The following EML4 variants were observed in gnomAD, a reference collection of about 807,000 sequenced individuals.
The protein encoded by EML4 is EMAP like 4, also known as echinoderm microtubule-associated protein-like 4.
A neutral mutation model predicts 129.0 loss-of-function variants in EML4; 72 were observed. The ratio of observed to expected loss-of-function variants is 0.56; its 90% confidence interval spans 0.46 to 0.68. EML4 has a LOEUF of 0.68. Among genes scored for constraint, EML4 ranks in the 30% least tolerant of loss-of-function variants. The pLI is 0.00. For synonymous variants in EML4, 532 were observed against 405.0 expected, an observed-to-expected ratio of 1.31 and a Z score of -3.77; for missense variants, 1,363 against 1,190.6, an observed-to-expected ratio of 1.14 and a Z score of -2.13.
chr2:42,201,152 G>T (rs1243594335), intron 1 of EML4, among the ~76,000 whole-genome samples: 1 of 152,186 alleles, frequency 6.6e-6, no homozygotes, highest in Non-Finnish European at 1.5e-5. Flanking sequence ...TTGGCTACAT[G>T]CTAGCTGGAA....
Position 42,198,602 on chromosome 2 carries a change from G to C in EML4, c.25+28966G>C, listed in dbSNP as rs74418674. On this transcript the variant is annotated intron_variant, in intron 1 of 22. Transcript: ENST00000318522. ...GTGGTAAGGATGCTAATTTGGGGAG[G>C]AATATTTCTACCTGAAGTCTGCTAT... is the stretch of plus-strand genomic sequence containing the variant. Among the ~76,000 whole-genome samples the C allele has an allele frequency of 8.4e-3, 1,273 of 152,278 alleles. 15 individuals carry two copies. The highest frequency in any genetic ancestry group is 0.029 in the African/African-American group (1,210 of 41,556).
At chr2:42,244,103 T>TTTG (rs1558534242) in intron 1 of EML4, among the ~76,000 whole-genome samples, 3 of 59,076 alleles carry the variant, frequency 5.1e-5, no homozygotes, top group Non-Finnish European at 1.2e-4. Flanking sequence ...TGTTTTTTGT[T>TTTG]TTTTTTTTTT....
intron 1 of EML4, among the ~76,000 whole-genome samples, 167 bp from the exon 2 acceptor site, chr2:42,245,338 T>A (rs1675329007): frequency 6.6e-6 from 1 of 151,848 alleles, no homozygotes. Context: ...TCAGGTGATC[T>A]GCCTCTCTTG....
At chr2:42,263,338 A>G (rs1458705012) in intron 5 of EML4, 32 bp downstream of exon 5, 1 of 1,585,644 alleles carries the variant, frequency 6.3e-7, no homozygotes, top group Non-Finnish European at 8.6e-7. Context: ...TTATATCTGA[A>G]AAGTAATAAT....
At position 42,295,278 on chromosome 2, in the gene EML4, T is replaced by G; in HGVS notation, c.1353+19T>G. 6.2e-7 allele frequency: 1 copy of G among 1,611,974 alleles called. No homozygotes were observed. The highest frequency in any genetic ancestry group is 1.7e-5 in the Admixed American group (1 of 59,596). On this transcript the variant is annotated intron_variant, in intron 12 of 22. Transcript: ENST00000318522. ...TTTTGGGGTAAGAATCAGATTGTTT[T>G]AATGTCATTAGGTGTATAAGACTTT...
intron 1 of EML4, among the ~76,000 whole-genome samples, chr2:42,204,044 C>T (rs905791031): frequency 2.0e-5 from 3 of 152,060 alleles, no homozygotes; most frequent in Admixed American, 6.6e-5. Context: ...CTCAGCCCTC[C>T]GAATAGCTAG....
intron 6 of EML4, among the ~76,000 whole-genome samples, chr2:42,266,221 CT>C (rs1330699508): frequency 1.3e-5 from 2 of 152,168 alleles, no homozygotes; most frequent in Non-Finnish European, 2.9e-5. Context: ...TTGAATTTTG[CT>C]GGCATTCTTC....
In EML4 at chr2:42,329,721, T is replaced by A. The variant is rs752426034; in HGVS notation, c.2473-13T>A. 6.2e-7 allele frequency: 1 copy of A among 1,605,872 alleles called. No homozygotes were observed. Among genetic ancestry groups the A allele is most frequent in the East Asian group, 2.2e-5 (1 of 44,788 alleles). The stretch of plus-strand genomic sequence containing the variant: ...AGTTTAATTTTCCTGTCTGTCTGAT[T>A]TATTTCATATAGGCTCCCAGTCACA... On this transcript the variant is annotated splice_polypyrimidine_tract_variant and intron_variant, in intron 22 of 22. Coordinates refer to ENST00000318522, the MANE Select transcript of EML4 (RefSeq NM_019063.5).
chr2:42,314,641 A>C (rs1046790772), intron 17 of EML4, among the ~76,000 whole-genome samples: 1 of 152,160 alleles, frequency 6.6e-6, no homozygotes, highest in African/African-American at 2.4e-5. Context: ...GTCATGTTCA[A>C]GACTTACTTT....
At position 42,330,814 on chromosome 2, in the gene EML4, T is replaced by C. The variant is rs1438471022; in HGVS notation, c.*607T>C. 3 of 213,712 alleles carry C rather than the reference T, an allele frequency of 1.4e-5. No homozygotes were observed. Among genetic ancestry groups the C allele is most frequent in the Non-Finnish European group, 2.9e-5 (3 of 104,734 alleles). 13.2% of individuals were successfully genotyped at this position (213,712 alleles called of 1,614,324 possible). ...TGGATGTCCAGACATGCTCTTAGTCTACTAGAGAGGTGCTGCCTTTTCTAA... is the reference window on the plus strand; with the variant it reads ...TGGATGTCCAGACATGCTCTTAGTCCACTAGAGAGGTGCTGCCTTTTCTAA... On this transcript the variant is annotated 3_prime_UTR_variant, in exon 23 of 23. Coordinates refer to ENST00000318522, the MANE Select transcript of EML4 (RefSeq NM_019063.5).
intron 1 of EML4, among the ~76,000 whole-genome samples, chr2:42,196,350 T>C (rs1671896028): frequency 6.6e-6 from 1 of 152,206 alleles, no homozygotes; most frequent in African/African-American, 2.4e-5. Flanking sequence ...TTGCTTATGG[T>C]ATATATTGAG....
intron 1 of EML4, among the ~76,000 whole-genome samples, chr2:42,241,483 C>T (rs1043133463): frequency 2.6e-5 from 4 of 152,144 alleles, no homozygotes; most frequent in African/African-American, 9.7e-5. Context: ...AACTGAGATA[C>T]TTGAACATGT....
rs1363928760 is a variant in EML4, at chr2:42,264,099, A to C, written c.642-607A>C. Among the ~76,000 whole-genome samples, 6 of 124,436 alleles carry C rather than the reference A, an allele frequency of 4.8e-5. 1 individual carries two copies. Among genetic ancestry groups the C allele is most frequent in the Admixed American group, 9.1e-5 (1 of 10,942 alleles). 81.6% of individuals were successfully genotyped at this position (124,436 alleles called of 152,430 possible). Reference sequence around the variant, plus strand: ...TTTTAAGGCTCCCAACTCAAACAATACGTGTTTTTTTTTTTTTTTTTTTTT... The same window carrying C: ...TTTTAAGGCTCCCAACTCAAACAATCCGTGTTTTTTTTTTTTTTTTTTTTT... On this transcript the variant is annotated intron_variant, in intron 5 of 22. Transcript: ENST00000318522.
intron 1 of EML4, among the ~76,000 whole-genome samples, chr2:42,174,134 C>T (rs1001803170): frequency 6.6e-6 from 1 of 151,904 alleles, no homozygotes; most frequent in Non-Finnish European, 1.5e-5. Context: ...TGTGGGAGTC[C>T]ATTTCTGTAA....
chr2:42,250,270 G>A (rs1261086016), intron 2 of EML4, among the ~76,000 whole-genome samples: 1 of 152,198 alleles, frequency 6.6e-6, no homozygotes, highest in Non-Finnish European at 1.5e-5. Flanking sequence ...ATAGGGGTCA[G>A]TTCTCCAAAA....
chr2:42,297,704 T>C (rs531555538), intron 13 of EML4, among the ~76,000 whole-genome samples: 1 of 152,348 alleles, frequency 6.6e-6, no homozygotes, highest in East Asian at 1.9e-4. Context: ...CCAATTTACA[T>C]ATTCCCAACT....
At chr2:42,295,578 A>G (rs957001854) in intron 13 of EML4, 62 bp downstream of exon 13, 17 of 1,461,334 alleles carry the variant, frequency 1.2e-5, no homozygotes, top group Non-Finnish European at 1.4e-5. Flanking sequence ...TTTCAGTCCC[A>G]TCTCTTAGAC....
intron 1 of EML4, among the ~76,000 whole-genome samples, chr2:42,206,505 C>T (rs959523775): frequency 6.6e-6 from 1 of 152,224 alleles, no homozygotes; most frequent in Non-Finnish European, 1.5e-5. Context: ...GTGGGCACTG[C>T]ACCCAGCCTG....
Position 42,305,887 on chromosome 2 carries a change from G to GT in EML4, c.1967+1343dup, listed in dbSNP as rs199762114. ...AACTAAATTTAGTCATTTAGAGGGG[G>GT]TTTTTTTATAGCGATTTTTCCTTCT... On this transcript the variant is annotated intron_variant, in intron 17 of 22. Coordinates refer to ENST00000318522, the MANE Select transcript of EML4 (RefSeq NM_019063.5). Among the ~76,000 whole-genome samples the GT allele has an allele frequency of 9.0e-4, 126 of 139,936 alleles. No homozygotes were observed. The Middle Eastern group carries it at 0.021, about 23-fold the overall frequency. The allele number at this position is 139,936 out of a possible 152,430, so 91.8% of individuals were successfully genotyped here.
Sources: allele counts gnomAD v4.1 joint callset (sites outside exome capture counted in the v4.1 genomes callset), GRCh38; gene constraint gnomAD v4.1.1; transcripts MANE v1.5; gene names NCBI Gene and HGNC (gene_info 2026-07-23, HGNC 2026-07-21).